The following CIDEC variants were observed in gnomAD, a reference collection of about 807,000 sequenced individuals.
The protein encoded by CIDEC is cell death inducing DFFA like effector c.
CIDEC carries 11 observed loss-of-function variants against 21.9 expected under a neutral mutation model. That is an observed-to-expected ratio of 0.50 (90% CI 0.32 to 0.83). CIDEC has a LOEUF of 0.83. Ranked by LOEUF, CIDEC falls within the 40% of genes least tolerant of loss-of-function variation. The probability of loss-of-function intolerance (pLI) is 0.04; values close to 1 mark genes in which losing one functional copy is unlikely to be tolerated. For missense variants in CIDEC, 302 were observed against 302.3 expected (o/e 1.00, Z 0.01); for synonymous variants, 127 against 124.9 (o/e 1.02, Z -0.11).
In CIDEC at chr3:9,877,092, A is replaced by G. The variant is rs79419480; in HGVS notation, c.181T>C (p.Tyr61His). Residue 61 changes from tyrosine (Y) to histidine (H), a missense_variant, in exon 4 of 7, where the codon TAC becomes CAC. Tyr to His is a moderately conservative substitution (Grantham distance 83). Coordinates refer to ENST00000336832, the MANE Select transcript of CIDEC (RefSeq NM_001321142.2). ...DRSVRKGIMAYSLEDLLLKVR... is the reference protein window; with the variant it reads ...DRSVRKGIMAHSLEDLLLKVR... ...TTGAGGAGGAGGTCCTCAAGACTGTAAGCCATGATGCCCTTCCTCACGCTT... is the reference window on the plus strand; with the variant it reads ...TTGAGGAGGAGGTCCTCAAGACTGTGAGCCATGATGCCCTTCCTCACGCTT... 0.01 allele frequency: 15,878 copies of G among 1,553,410 alleles called. 378 individuals carry two copies. The highest frequency in any genetic ancestry group is 0.07 in the South Asian group (5,906 of 84,138).
At chr3:9,872,833 C>CA (rs1295134776) in intron 4 of CIDEC, among the ~76,000 whole-genome samples, 1 of 151,952 alleles carries the variant, frequency 6.6e-6, no homozygotes, top group Non-Finnish European at 1.5e-5. Flanking sequence ...ACTAAAATTA[C>CA]AAAAAATTAG....
chr3:9,873,716 T>C (rs928626514), intron 4 of CIDEC, among the ~76,000 whole-genome samples: 2 of 152,210 alleles, frequency 1.3e-5, no homozygotes, highest in African/African-American at 4.8e-5. Context: ...ATGGAAATAG[T>C]GGTAACTACC....
At position 9,867,066 on chromosome 3, in the gene CIDEC, C is replaced by T; in HGVS notation, c.*68G>A. On this transcript the variant is annotated 3_prime_UTR_variant, in exon 7 of 7. Coordinates refer to ENST00000336832, the MANE Select transcript of CIDEC (RefSeq NM_001321142.2). ...GCTCTACAGCTGCCAGGCTTGTGGG[C>T]ACTACCAGTTAAGCGTGAGGCCCCC... The T allele has an allele frequency of 6.5e-7, 1 of 1,548,556 alleles. No individual in the cohort carries two copies. The highest frequency in any genetic ancestry group is 8.9e-7 in the Non-Finnish European group (1 of 1,122,048).
At chr3:9,872,061 C>A (rs1306352922) in intron 4 of CIDEC, among the ~76,000 whole-genome samples, 1 of 152,134 alleles carries the variant, frequency 6.6e-6, no homozygotes, top group Non-Finnish European at 1.5e-5. Context: ...AGTCCTCCCG[C>A]CTCGGCCTCC....
intron 2 of CIDEC, 182 bp from the exon 3 acceptor site, chr3:9,878,693 A>T: frequency 6.7e-7 from 1 of 1,487,116 alleles, no homozygotes; most frequent in Non-Finnish European, 9.1e-7. Context: ...AACCAAGACC[A>T]AGCTGGAGAC....
chr3:9,878,700 A>T lies in CIDEC; in HGVS notation c.-25-189T>A, dbSNP rs562660985. 40 of 1,501,536 alleles carry T rather than the reference A, an allele frequency of 2.7e-5. No homozygotes were observed. The African/African-American group carries it at 5.5e-4, about 21-fold the overall frequency. 93.0% of individuals were successfully genotyped at this position (1,501,536 alleles called of 1,614,324 possible). On this transcript the variant is annotated intron_variant, in intron 2 of 6. Transcript: ENST00000336832. ...TGCATGCCAACCAAGACCAAGCTGG[A>T]GACCCCACCCCTCTCCCCACCGGGT...
chr3:9,874,355 A>T (rs2082390853), intron 4 of CIDEC, among the ~76,000 whole-genome samples: 1 of 151,310 alleles, frequency 6.6e-6, no homozygotes, highest in African/African-American at 2.4e-5. Flanking sequence ...CTCTCTATTT[A>T]AAAAAAAATT....
rs1190526586 is a variant in CIDEC, at chr3:9,877,318, GATCAGTCAACCCCCCATC to G, written c.54-117_54-100del. 3.3e-6 allele frequency: 4 copies of G among 1,200,442 alleles called. No homozygotes were observed. In the Admixed American group the frequency reaches 5.9e-5, roughly 18 times the overall value. The allele number at this position is 1,200,442 out of a possible 1,614,324, so 74.4% of individuals were successfully genotyped here. On this transcript the variant is annotated intron_variant, in intron 3 of 6. Coordinates refer to ENST00000336832, the MANE Select transcript of CIDEC (RefSeq NM_001321142.2). ...CCCCACCCCTCCTGACTGGGCTCAT[GATCAGTCAACCCCCCATC>G]ACCTGCTAATCCTGCCCTAGTCTTA...
At chr3:9,873,111 T>C (rs1482232797) in intron 4 of CIDEC, among the ~76,000 whole-genome samples, 1 of 152,206 alleles carries the variant, frequency 6.6e-6, no homozygotes, top group African/African-American at 2.4e-5. Flanking sequence ...TGTTTGTTTT[T>C]CCCTTTGGTC....
chr3:9,871,881 C>T (rs1411840543), intron 4 of CIDEC, among the ~76,000 whole-genome samples: 1 of 152,100 alleles, frequency 6.6e-6, no homozygotes. Context: ...CCGCCTGCCT[C>T]GGCCTCCCAA....
At chr3:9,877,405 A>G (rs1427956704) in intron 3 of CIDEC, among the ~76,000 whole-genome samples, 186 bp from the exon 4 acceptor site, 1 of 152,216 alleles carries the variant, frequency 6.6e-6, no homozygotes, top group African/African-American at 2.4e-5. Context: ...TCATGTCTGT[A>G]ATCCCACACT....
rs1293264992 is a variant in CIDEC at position 9,877,133 on chromosome 3, A to G, written c.140T>C (p.Val47Ala). The G allele has an allele frequency of 1.3e-6, 2 of 1,552,438 alleles. No individual in the cohort carries two copies. The highest frequency in any genetic ancestry group is 2.0e-5 in the Admixed American group (1 of 51,068). The change falls in exon 4 of 7, where the codon GTA (valine) becomes GCA (alanine). Residue 47 changes from valine to alanine, a missense_variant. Physicochemically the swap from Val to Ala is moderately conservative, Grantham distance 64. Transcript: ENST00000336832. The part of the protein sequence containing the change: ...PKAPRARPCR[V>A]STADRSVRKG... ...CCTCACGCTTCGATCCGCCGTGCTTACGCGGCAGGGCCGGGCCCTGGGGGC... is the reference window on the plus strand; with the variant it reads ...CCTCACGCTTCGATCCGCCGTGCTTGCGCGGCAGGGCCGGGCCCTGGGGGC...
intron 4 of CIDEC, among the ~76,000 whole-genome samples, chr3:9,873,759 C>A (rs1256351164): frequency 6.6e-6 from 1 of 152,196 alleles, no homozygotes; most frequent in Admixed American, 6.5e-5. Context: ...TGCTGCAAAT[C>A]ACCTGGCAGA....
intron 3 of CIDEC, 49 bp from the exon 4 acceptor site, chr3:9,877,268 T>TCTCTACACTAGATAATAAAAAAAAATTA: frequency 6.5e-7 from 1 of 1,544,476 alleles, no homozygotes; most frequent in Non-Finnish European, 8.8e-7. Context: ...GCCCAACCCT[T>TCTCTACACTAGATAATAAAAAAAAATTA]GCCCACCACA....
chr3:9,874,331 C>A (rs2082390408), intron 4 of CIDEC, among the ~76,000 whole-genome samples: 1 of 151,840 alleles, frequency 6.6e-6, no homozygotes, highest in African/African-American at 2.4e-5. Context: ...GGCTAGGAAA[C>A]ATAGCTAGAC....
intron 4 of CIDEC, among the ~76,000 whole-genome samples, chr3:9,876,535 T>C (rs907976366): frequency 6.6e-6 from 1 of 151,812 alleles, no homozygotes; most frequent in African/African-American, 2.4e-5. Flanking sequence ...GGTGGGTGGA[T>C]TGCCTGAGCT....
chr3:9,876,918 T>G, intron 4 of CIDEC, 148 bp downstream of exon 4: 1 of 677,064 alleles, frequency 1.5e-6, no homozygotes. Context: ...TCATTGCTAA[T>G]TAGTTGGACA....
chr3:9,867,911 CAGAG>C (rs1334803059), intron 6 of CIDEC, among the ~76,000 whole-genome samples: 2 of 152,288 alleles, frequency 1.3e-5, no homozygotes, highest in African/African-American at 4.8e-5. Context: ...GCCTGGGTGA[CAGAG>C]TGAGTCTCTG....
At chr3:9,870,350 G>C (rs1367413282) in intron 4 of CIDEC, 28 bp from the exon 5 acceptor site, 4 of 1,609,284 alleles carry the variant, frequency 2.5e-6, no homozygotes, top group Non-Finnish European at 3.4e-6. Flanking sequence ...TGATGCTTCT[G>C]CCATCCCAGA....
Sources: allele counts gnomAD v4.1 joint callset (sites outside exome capture counted in the v4.1 genomes callset), GRCh38; gene constraint gnomAD v4.1.1; transcripts MANE v1.5; gene names NCBI Gene and HGNC (gene_info 2026-07-23, HGNC 2026-07-21).